GPBP1L1: variants seen among roughly 807,000 people sequenced by gnomAD.
GPBP1L1 encodes vasculin-like protein 1.
A neutral mutation model predicts 52.5 loss-of-function variants in GPBP1L1; 23 were observed. That is an observed-to-expected ratio of 0.44 (90% CI 0.32 to 0.62). The LOEUF is 0.62. Ranked by LOEUF, GPBP1L1 falls within the 20% of genes least tolerant of loss-of-function variation. The pLI is 0.06. For missense variants in GPBP1L1, 596 were observed against 579.3 expected, an observed-to-expected ratio of 1.03 and a Z score of -0.30; for synonymous variants, 243 against 203.1, an observed-to-expected ratio of 1.20 and a Z score of -1.67.
intron 12 of GPBP1L1, among the ~76,000 whole-genome samples, chr1:45,628,939 G>C (rs1026692672): frequency 2.0e-5 from 3 of 152,214 alleles, no homozygotes; most frequent in African/African-American, 7.2e-5. Context: ...TGGGATTACA[G>C]GCGTGAGCCA....
chr1:45,654,827 A>G lies in GPBP1L1; in HGVS notation c.193T>C (p.Ser65Pro). ...NNGPLRTAGD[S>P]WHQPSLFRHD... Reference sequence around the variant, plus strand: ...CGGAACAGGGAGGGCTGGTGCCAAGAATCTAGAATAGTAAAGAAAAGGACT... The same window carrying G: ...CGGAACAGGGAGGGCTGGTGCCAAGGATCTAGAATAGTAAAGAAAAGGACT... Residue 65 changes from serine to proline, a missense_variant and splice_region_variant, in exon 6 of 13, where the codon TCT becomes CCT. Transcript: ENST00000355105. 1 of 1,613,408 alleles carries G rather than the reference A, an allele frequency of 6.2e-7. No homozygotes were observed.
At chr1:45,671,669 C>G (rs772442741) in intron 2 of GPBP1L1, among the ~76,000 whole-genome samples, 25 of 151,656 alleles carry the variant, frequency 1.6e-4, no homozygotes, top group South Asian at 4.2e-4. Flanking sequence ...AAAGAAAATA[C>G]AAAAATCAGC....
At chr1:45,631,628 A>T (rs1336503648) in intron 10 of GPBP1L1, among the ~76,000 whole-genome samples, 6 of 152,294 alleles carry the variant, frequency 3.9e-5, no homozygotes, top group Admixed American at 3.3e-4. Context: ...CACTCTGTCA[A>T]GAGAATTAAA....
rs1644515880 is a variant in GPBP1L1 at position 45,630,479 on chromosome 1, T to C, written c.1169+3A>G. The C allele has an allele frequency of 6.2e-7, 1 of 1,613,838 alleles. No individual in the cohort carries two copies. ...CATGCCCTGTGATGTCCTCCTCACT[T>C]ACCTGTGCTCTGCTTCTAGAGAGTG... On this transcript the variant is annotated splice_donor_region_variant and intron_variant, in intron 11 of 12. Transcript: ENST00000355105.
At chr1:45,633,928 T>C in intron 9 of GPBP1L1, 168 bp downstream of exon 9, 1 of 750,364 alleles carries the variant, frequency 1.3e-6, no homozygotes, top group East Asian at 2.7e-5. Flanking sequence ...CTATCCCATT[T>C]AGCCACTGCC....
At chr1:45,667,574 G>C (rs1280621595) in intron 2 of GPBP1L1, among the ~76,000 whole-genome samples, 7 of 152,250 alleles carry the variant, frequency 4.6e-5, no homozygotes, top group Admixed American at 4.6e-4. Flanking sequence ...AGTGCTCTTG[G>C]CTTCAACCAC....
At chr1:45,685,928 C>T (rs1221875183) in intron 1 of GPBP1L1, among the ~76,000 whole-genome samples, 1 of 152,166 alleles carries the variant, frequency 6.6e-6, no homozygotes, top group Non-Finnish European at 1.5e-5. Context: ...CACAGAGAAC[C>T]GGAAAGCTGG....
In GPBP1L1 at chr1:45,646,070, C is replaced by T. The variant is rs117042460; in HGVS notation, c.478-3571G>A. On this transcript the variant is annotated intron_variant, in intron 6 of 12. Transcript: ENST00000355105. ...TTTCAAATTTGCCAATGTAACGATG[C>T]TTCATCATCACAGCTAGAAGTTGGA... 1.6e-4 allele frequency: 77 copies of T among 475,528 alleles called. No homozygotes were observed. In the East Asian group the frequency reaches 4.3e-3, roughly 27 times the overall value. 29.5% of individuals were successfully genotyped at this position (475,528 alleles called of 1,614,324 possible). A position where few individuals can be genotyped will look rare whatever the true frequency, so the allele number is the denominator to read the frequency against.
intron 10 of GPBP1L1, among the ~76,000 whole-genome samples, chr1:45,631,237 CATTTATTT>C (rs146432219): frequency 1.3e-5 from 2 of 151,960 alleles, no homozygotes; most frequent in African/African-American, 2.4e-5. Context: ...TTGGGTATGA[CATTTATTT>C]ATTTATTTAT....
At chr1:45,673,430 C>CT (rs1645098945) in intron 2 of GPBP1L1, among the ~76,000 whole-genome samples, 1 of 152,206 alleles carries the variant, frequency 6.6e-6, no homozygotes, top group Non-Finnish European at 1.5e-5. Flanking sequence ...TTTTGACTCC[C>CT]TGAAGTCTCT....
Position 45,630,585 on chromosome 1 carries a change from C to T in GPBP1L1, c.1066G>A (p.Glu356Lys). ...CCTTCCTCCCCATTTTCCTTTGGTT[C>T]AGGTGTGCTGTTGTCCTCCAACTGC... ...LEDLEDNSTP[E>K]PKENGEEGCH... Residue 356 changes from glutamate to lysine, a missense_variant, in exon 11 of 13, where the codon GAA becomes AAA. Transcript: ENST00000355105. 6.2e-7 allele frequency: 1 copy of T among 1,614,030 alleles called. No individual in the cohort carries two copies. The highest frequency in any genetic ancestry group is 8.5e-7 in the Non-Finnish European group (1 of 1,179,942).
chr1:45,646,919 T>G (rs374310789), intron 6 of GPBP1L1, among the ~76,000 whole-genome samples: 11 of 152,096 alleles, frequency 7.2e-5, no homozygotes, highest in African/African-American at 2.7e-4. Flanking sequence ...GGTGGGAAGA[T>G]CCTATTATAT....
chr1:45,639,772 T>C (rs1353608821), intron 8 of GPBP1L1, among the ~76,000 whole-genome samples: 1 of 151,726 alleles, frequency 6.6e-6, no homozygotes, highest in African/African-American at 2.4e-5. Context: ...TCCCAGCTAC[T>C]CGGGAGGCTG....
At chr1:45,662,396 T>C (rs1379480088) in intron 2 of GPBP1L1, among the ~76,000 whole-genome samples, 2 of 152,214 alleles carry the variant, frequency 1.3e-5, no homozygotes, top group East Asian at 3.8e-4. Flanking sequence ...CCTCCTGCTT[T>C]GGCCTCTCAA....
chr1:45,675,668 T>C (rs1645130647), intron 2 of GPBP1L1, among the ~76,000 whole-genome samples: 2 of 152,150 alleles, frequency 1.3e-5, no homozygotes, highest in Admixed American at 6.5e-5. Flanking sequence ...GCTTCCCAAG[T>C]AGCAAGGACT....
At chr1:45,628,432 G>GA in intron 12 of GPBP1L1, 24 bp from the exon 13 acceptor site, 2 of 1,597,292 alleles carry the variant, frequency 1.3e-6, no homozygotes, top group Non-Finnish European at 1.7e-6. Flanking sequence ...GGGAGAGAAA[G>GA]AAAAAAGAAA....
chr1:45,670,939 C>T (rs1172529670), intron 2 of GPBP1L1, among the ~76,000 whole-genome samples: 1 of 151,220 alleles, frequency 6.6e-6, no homozygotes, highest in African/African-American at 2.4e-5. Context: ...ACTACAGGCG[C>T]CCGCCACCAC....
intron 3 of GPBP1L1, 66 bp from the exon 4 acceptor site, chr1:45,659,208 T>C (rs1387102985): frequency 3.8e-5 from 35 of 921,898 alleles, no homozygotes; most frequent in Middle Eastern, 2.2e-4. Flanking sequence ...TAAAGGAATC[T>C]GTAATTATTC....
chr1:45,653,934 G>C (rs565339492), intron 6 of GPBP1L1, among the ~76,000 whole-genome samples: 1 of 151,830 alleles, frequency 6.6e-6, no homozygotes, highest in African/African-American at 2.4e-5. Context: ...CCTGCCCTCA[G>C]GTGATCCACC....
Sources: allele counts gnomAD v4.1 joint callset (sites outside exome capture counted in the v4.1 genomes callset), GRCh38; gene constraint gnomAD v4.1.1; transcripts MANE v1.5; gene names NCBI Gene and HGNC (gene_info 2026-07-23, HGNC 2026-07-21).